GABRA2: variants seen among roughly 807,000 people sequenced by gnomAD.
The protein encoded by GABRA2 is gamma-aminobutyric acid receptor subunit alpha-2.
GABRA2 carries 16 observed loss-of-function variants against 48.7 expected under a neutral mutation model. That is an observed-to-expected ratio of 0.33 (90% CI 0.22 to 0.50). The LOEUF (loss-of-function observed/expected upper bound fraction) is 0.50. Ranked by LOEUF, GABRA2 falls within the 20% of genes least tolerant of loss-of-function variation. The probability of loss-of-function intolerance (pLI) is 0.98; values close to 1 mark genes in which losing one functional copy is unlikely to be tolerated. For missense variants in GABRA2, 275 were observed against 535.6 expected (o/e 0.51, Z 4.80); for synonymous variants, 185 against 184.5 (o/e 1.00, Z -0.02).
intron 3 of GABRA2, among the ~76,000 whole-genome samples, chr4:46,334,550 A>G (rs571202109): frequency 1.1e-3 from 160 of 152,322 alleles, no homozygotes; most frequent in Admixed American, 4.5e-3. Flanking sequence ...TAGTAAAGTT[A>G]GAATCCAAGA....
At chr4:46,350,873 C>A (rs945341022) in intron 3 of GABRA2, among the ~76,000 whole-genome samples, 2 of 151,726 alleles carry the variant, frequency 1.3e-5, no homozygotes, top group East Asian at 1.9e-4. Flanking sequence ...ATGAAGTGTG[C>A]ATAAATCATA....
rs905249725 is a variant in GABRA2 at position 46,246,093 on chromosome 4, A to G, written c.*4215T>C. On this transcript the variant is annotated 3_prime_UTR_variant, in exon 10 of 10. Transcript: ENST00000381620. ...CTTTCTCTACTTTAGTATTTTAGTT[A>G]TGATGCTTACTATGATAGAATAACG... is the stretch of plus-strand genomic sequence containing the variant. Among the ~76,000 whole-genome samples the G allele has an allele frequency of 6.6e-6, 1 of 150,902 alleles. No individual in the cohort carries two copies. Among genetic ancestry groups the G allele is most frequent in the Non-Finnish European group, 1.5e-5 (1 of 67,372 alleles).
chr4:46,307,923 G>A (rs1726983881), intron 6 of GABRA2, among the ~76,000 whole-genome samples: 1 of 152,110 alleles, frequency 6.6e-6, no homozygotes, highest in African/African-American at 2.4e-5. Flanking sequence ...ACACATATAA[G>A]CCGAGAGGTC....
chr4:46,284,791 A>T (rs112952358), intron 8 of GABRA2, among the ~76,000 whole-genome samples: 3,479 of 151,652 alleles, frequency 0.023, 129 homozygotes, highest in African/African-American at 0.072. Flanking sequence ...TTAATTTTTT[A>T]AAAAAAATTC....
In GABRA2 at chr4:46,247,360, T is replaced by C. The variant is rs1713911676; in HGVS notation, c.*2948A>G. 6.6e-6 allele frequency among the ~76,000 whole-genome samples: 1 copy of C among 151,166 alleles called. No homozygotes were observed. Among genetic ancestry groups the C allele is most frequent in the South Asian group, 2.1e-4 (1 of 4,824 alleles). Reference sequence around the variant, plus strand: ...ACTCCCAGTACTAAATTAATTTACATGTTTTATATAGTCTTTAATTTCAAG... The same window carrying C: ...ACTCCCAGTACTAAATTAATTTACACGTTTTATATAGTCTTTAATTTCAAG... On this transcript the variant is annotated 3_prime_UTR_variant, in exon 10 of 10. Coordinates refer to ENST00000381620, the MANE Select transcript of GABRA2 (RefSeq NM_000807.4).
intron 2 of GABRA2, among the ~76,000 whole-genome samples, chr4:46,386,491 A>T (rs775714340): frequency 6.6e-6 from 1 of 152,188 alleles, no homozygotes; most frequent in East Asian, 1.9e-4. Context: ...CCTGGGATAT[A>T]TTATGATTGT....
intron 8 of GABRA2, among the ~76,000 whole-genome samples, chr4:46,281,811 A>G (rs1467157802): frequency 1.3e-5 from 2 of 152,196 alleles, no homozygotes; most frequent in Non-Finnish European, 2.9e-5. Flanking sequence ...AGAAGAGTCA[A>G]GGGAATTTTA....
intron 3 of GABRA2, among the ~76,000 whole-genome samples, chr4:46,361,303 T>C (rs1172535971): frequency 1.3e-5 from 2 of 152,262 alleles, no homozygotes; most frequent in East Asian, 1.9e-4. Context: ...GTATAGGGAC[T>C]TGGTGCCCTG....
intron 3 of GABRA2, among the ~76,000 whole-genome samples, chr4:46,356,981 G>GTTTTT (rs141407741): frequency 6.8e-6 from 1 of 146,260 alleles, no homozygotes; most frequent in Non-Finnish European, 1.5e-5. Flanking sequence ...TTCTGGGTTT[G>GTTTTT]TTTTTTTTTT....
intron 3 of GABRA2, among the ~76,000 whole-genome samples, chr4:46,348,553 A>T (rs1319500706): frequency 6.6e-6 from 1 of 152,040 alleles, no homozygotes; most frequent in Non-Finnish European, 1.5e-5. Flanking sequence ...AGACTGGATT[A>T]AGAAAATGTG....
intron 3 of GABRA2, chr4:46,368,519 T>C (rs1372033523): frequency 6.4e-6 from 1 of 155,568 alleles, no homozygotes; most frequent in Non-Finnish European, 1.4e-5. Flanking sequence ...GAACATTTGT[T>C]GAAATATAGT....
intron 8 of GABRA2, chr4:46,303,244 T>C (rs1322800714): frequency 3.9e-6 from 2 of 519,042 alleles, no homozygotes; most frequent in Non-Finnish European, 6.8e-6. Flanking sequence ...TAAGTGTGTT[T>C]TAAGAATATT....
At chr4:46,313,022 C>G (rs934057706) in intron 4 of GABRA2, among the ~76,000 whole-genome samples, 2 of 151,692 alleles carry the variant, frequency 1.3e-5, no homozygotes, top group African/African-American at 4.8e-5. Flanking sequence ...TAGTTTAGAG[C>G]TGCTTGGAGA....
intron 3 of GABRA2, among the ~76,000 whole-genome samples, chr4:46,384,322 G>C (rs1717157196): frequency 6.6e-6 from 1 of 152,210 alleles, no homozygotes; most frequent in Non-Finnish European, 1.5e-5. Flanking sequence ...TTCAATATCA[G>C]AGGATTGAGG....
At chr4:46,284,966 GA>G (rs1211810973) in intron 8 of GABRA2, among the ~76,000 whole-genome samples, 1 of 142,452 alleles carries the variant, frequency 7.0e-6, no homozygotes, top group Admixed American at 7.2e-5. Context: ...GAAATTTAAA[GA>G]AGGTAGAAAC....
intron 8 of GABRA2, among the ~76,000 whole-genome samples, chr4:46,264,148 C>A (rs938744694): frequency 1.1e-5 from 1 of 94,122 alleles, no homozygotes; most frequent in Non-Finnish European, 2.1e-5. Flanking sequence ...TGTACAAAAA[C>A]ACAACTGATT....
At chr4:46,361,612 C>A (rs943909027) in intron 3 of GABRA2, among the ~76,000 whole-genome samples, 4 of 152,216 alleles carry the variant, frequency 2.6e-5, no homozygotes, top group African/African-American at 9.6e-5. Flanking sequence ...ACTGGGGCAC[C>A]ACCTAGTGGA....
chr4:46,386,535 A>C (rs1717485363), intron 2 of GABRA2, among the ~76,000 whole-genome samples: 1 of 152,210 alleles, frequency 6.6e-6, no homozygotes, highest in Admixed American at 6.5e-5. Context: ...TAGTATTGCT[A>C]TTCTACAGTT....
At chr4:46,303,370 A>G (rs1177797078) in intron 8 of GABRA2, 90 bp downstream of exon 8, 1 of 1,313,250 alleles carries the variant, frequency 7.6e-7, no homozygotes, top group African/African-American at 1.5e-5. Context: ...CCTACTACAA[A>G]TAATTAGTTT....
Sources: allele counts gnomAD v4.1 joint callset (sites outside exome capture counted in the v4.1 genomes callset), GRCh38; gene constraint gnomAD v4.1.1; transcripts MANE v1.5; gene names NCBI Gene and HGNC (gene_info 2026-07-23, HGNC 2026-07-21).